The following RASGRP3 variants were observed in gnomAD, a reference collection of about 807,000 sequenced individuals.
RASGRP3 encodes ras guanyl-releasing protein 3.
Under a neutral mutation model 82.7 loss-of-function variants are expected in RASGRP3, and 54 were observed. The ratio of observed to expected loss-of-function variants is 0.65; its 90% CI spans 0.52 to 0.82. The LOEUF is 0.82. RASGRP3 is among the 40% of genes least tolerant of loss of function. RASGRP3 has a pLI of 0.00. For missense variants in RASGRP3, 861 were observed against 828.9 expected (o/e 1.04, Z -0.48); for synonymous variants, 309 against 300.5 (o/e 1.03, Z -0.29).
chr2:33,442,897 T>C (rs369929222), intron 1 of RASGRP3, among the ~76,000 whole-genome samples: 3 of 133,636 alleles, frequency 2.2e-5, no homozygotes, highest in Non-Finnish European at 4.9e-5. Context: ...TTTTTTTTTT[T>C]CTTTTTTACC....
chr2:33,539,349 G>A, intron 12 of RASGRP3, 139 bp downstream of exon 12: 3 of 664,182 alleles, frequency 4.5e-6, no homozygotes, highest in Non-Finnish European at 5.3e-6. Flanking sequence ...CAGGCACTTA[G>A]TCCTACCAGG....
At chr2:33,498,532 C>T (rs1669544107) in intron 1 of RASGRP3, among the ~76,000 whole-genome samples, 1 of 152,166 alleles carries the variant, frequency 6.6e-6, no homozygotes, top group African/African-American at 2.4e-5. Flanking sequence ...ATGTTCAGAA[C>T]ATGATAGTCC....
intron 2 of RASGRP3, among the ~76,000 whole-genome samples, chr2:33,512,494 A>G (rs1278551329): frequency 6.6e-6 from 1 of 152,214 alleles, no homozygotes; most frequent in Non-Finnish European, 1.5e-5. Context: ...ACATTAGAGG[A>G]ATCAGAGAAG....
chr2:33,519,992 T>G lies in RASGRP3; in HGVS notation c.214T>G (p.Leu72Val), dbSNP rs974747435. ...TGGAGAAAGCTGCAATGAATTTCGATTAAAGATCTGCTACTTCATGAGGTA... is the reference window on the plus strand; with the variant it reads ...TGGAGAAAGCTGCAATGAATTTCGAGTAAAGATCTGCTACTTCATGAGGTA... ...ATGESCNEFR[L>V]KICYFMRYWI... is the part of the protein sequence containing the mutation. Residue 72 changes from leucine (L) to valine (V), a missense_variant, in exon 5 of 18, where the codon TTA becomes GTA. Physicochemically the swap from Leu to Val is conservative, Grantham distance 32. Coordinates refer to ENST00000403687, the MANE Select transcript of RASGRP3 (RefSeq NM_001139488.2). The G allele has an allele frequency of 6.2e-7, 1 of 1,609,476 alleles. No homozygotes were observed.
intron 10 of RASGRP3, among the ~76,000 whole-genome samples, chr2:33,530,586 C>T (rs374258416): frequency 6.0e-5 from 9 of 150,994 alleles, no homozygotes; most frequent in East Asian, 2.0e-4. Context: ...CAGCCTGGGC[C>T]GGGTTCCCCT....
chr2:33,485,725 A>G (rs1000191726), intron 1 of RASGRP3, among the ~76,000 whole-genome samples: 29 of 152,258 alleles, frequency 1.9e-4, no homozygotes, highest in African/African-American at 5.8e-4. Context: ...AAGCAGAACC[A>G]GTGTAAAATA....
chr2:33,523,097 T>C (rs1431929865), intron 7 of RASGRP3, among the ~76,000 whole-genome samples: 1 of 152,208 alleles, frequency 6.6e-6, no homozygotes, highest in Non-Finnish European at 1.5e-5. Flanking sequence ...GAAATAATTA[T>C]ATTTACGTTC....
intron 13 of RASGRP3, among the ~76,000 whole-genome samples, chr2:33,547,260 C>A (rs1478131914): frequency 7.0e-6 from 1 of 143,842 alleles, no homozygotes; most frequent in Non-Finnish European, 1.5e-5. Context: ...TCCTTGATGG[C>A]GGACGTTTGG....
chr2:33,479,972 T>C (rs553247661), intron 1 of RASGRP3, among the ~76,000 whole-genome samples: 7 of 152,176 alleles, frequency 4.6e-5, no homozygotes, highest in South Asian at 4.2e-4. Context: ...AAGTTATCAG[T>C]GTTTCTGCAA....
chr2:33,470,215 A>G (rs1666973743), intron 2 of RASGRP3, among the ~76,000 whole-genome samples: 1 of 152,152 alleles, frequency 6.6e-6, no homozygotes. Context: ...TAATATATTT[A>G]CAATGTTAAG....
intron 6 of RASGRP3, 104 bp downstream of exon 6, chr2:33,520,788 G>C: frequency 6.7e-7 from 1 of 1,485,244 alleles, no homozygotes; most frequent in South Asian, 1.3e-5. Context: ...CCTGAATCCA[G>C]GTTTGCTTCT....
chr2:33,504,024 TC>T (rs2150985703), intron 1 of RASGRP3, among the ~76,000 whole-genome samples: 1 of 152,344 alleles, frequency 6.6e-6, no homozygotes, highest in East Asian at 1.9e-4. Context: ...CTGACCCCAA[TC>T]ATTTTCTCTG....
chr2:33,473,240 G>GGGCGT (rs761401860), upstream of RASGRP3, among the ~76,000 whole-genome samples: 134 of 152,176 alleles, frequency 8.8e-4, 1 homozygote, highest in Non-Finnish European at 9.7e-4. Flanking sequence ...AAAATTAGCT[G>GGGCGT]GGCGTGGTGG....
intron 11 of RASGRP3, among the ~76,000 whole-genome samples, chr2:33,538,848 G>C (rs949073368): frequency 6.6e-6 from 1 of 152,082 alleles, no homozygotes; most frequent in Non-Finnish European, 1.5e-5. Context: ...AGACCAGCCT[G>C]TGCAACATGG....
intron 2 of RASGRP3, among the ~76,000 whole-genome samples, chr2:33,466,798 C>T (rs1040069467): frequency 1.3e-5 from 2 of 152,082 alleles, no homozygotes; most frequent in East Asian, 1.9e-4. Context: ...AAAAATTTTC[C>T]GTGACCCAGG....
chr2:33,549,817 A>G, intron 14 of RASGRP3, 66 bp downstream of exon 14: 1 of 1,505,904 alleles, frequency 6.6e-7, no homozygotes, highest in Non-Finnish European at 9.0e-7. Flanking sequence ...AAAAAGTAGG[A>G]AAATGATACA....
intron 17 of RASGRP3, among the ~76,000 whole-genome samples, chr2:33,560,894 C>T (rs1206082871): frequency 6.6e-6 from 1 of 152,238 alleles, no homozygotes; most frequent in Admixed American, 6.5e-5. Context: ...GAGAAATTCA[C>T]AGCCTGTTGG....
At chr2:33,488,502 G>A (rs1481361021) in intron 1 of RASGRP3, among the ~76,000 whole-genome samples, 2 of 152,306 alleles carry the variant, frequency 1.3e-5, no homozygotes, top group East Asian at 3.9e-4. Context: ...CGTAGGAAAG[G>A]AGGTAAAATG....
At chr2:33,513,946 G>C (rs190210668) in intron 2 of RASGRP3, 1 of 152,290 alleles carries the variant, frequency 6.6e-6, no homozygotes, top group East Asian at 1.9e-4. Context: ...GAAGTAATAA[G>C]AAGAAAGGGA....
Sources: allele counts gnomAD v4.1 joint callset (sites outside exome capture counted in the v4.1 genomes callset), GRCh38; gene constraint gnomAD v4.1.1; transcripts MANE v1.5; gene names NCBI Gene and HGNC (gene_info 2026-07-23, HGNC 2026-07-21).